SEC24B: variants seen among roughly 807,000 people sequenced by gnomAD.
SEC24B encodes protein transport protein Sec24B.
SEC24B carries 45 observed loss-of-function variants against 142.8 expected under a neutral mutation model. That is an observed-to-expected ratio of 0.32 (90% confidence interval 0.25 to 0.40). The LOEUF is 0.40. Ranked by LOEUF, SEC24B falls within the 10% of genes least tolerant of loss-of-function variation. The pLI is 1.00. For missense variants in SEC24B, 1,409 were observed against 1,526.8 expected (o/e 0.92, Z 1.29); for synonymous variants, 574 against 568.2 (o/e 1.01, Z -0.15).
intron 23 of SEC24B, among the ~76,000 whole-genome samples, chr4:109,538,991 C>T (rs866249743): frequency 2.6e-5 from 4 of 151,340 alleles, no homozygotes; most frequent in Admixed American, 6.6e-5. Flanking sequence ...GACAAAGTTT[C>T]GCTCTTGTCA....
intron 6 of SEC24B, among the ~76,000 whole-genome samples, chr4:109,498,901 A>G (rs34377662): frequency 0.18 from 26,539 of 149,524 alleles, 2,613 homozygotes; most frequent in African/African-American, 0.27. Flanking sequence ...TTTGTTTTTT[A>G]GGGTGGAAAA....
At chr4:109,445,534 G>A (rs1022544901) in intron 1 of SEC24B, among the ~76,000 whole-genome samples, 10 of 151,438 alleles carry the variant, frequency 6.6e-5, no homozygotes, top group African/African-American at 2.4e-4. Flanking sequence ...TTACAGGCGT[G>A]AGCCACGGCA....
At chr4:109,470,047 T>A (rs2125952083) in intron 2 of SEC24B, among the ~76,000 whole-genome samples, 1 of 152,322 alleles carries the variant, frequency 6.6e-6, no homozygotes, top group East Asian at 1.9e-4. Context: ...TAGAATGGGA[T>A]ATCATCTTAT....
chr4:109,506,591 G>T, intron 7 of SEC24B, 79 bp downstream of exon 7: 1 of 1,024,520 alleles, frequency 9.8e-7, no homozygotes, highest in Non-Finnish European at 1.4e-6. Context: ...AAAGTAGTAT[G>T]TTATTTCTTC....
intron 1 of SEC24B, chr4:109,449,476 C>T (rs1373898644): frequency 1.5e-5 from 7 of 453,898 alleles, no homozygotes; most frequent in Non-Finnish European, 3.1e-5. Flanking sequence ...AAGCAATCTG[C>T]CCGCCTCGGC....
intron 1 of SEC24B, among the ~76,000 whole-genome samples, chr4:109,444,509 C>G (rs1325036756): frequency 7.4e-6 from 1 of 134,288 alleles, no homozygotes; most frequent in Non-Finnish European, 1.6e-5. Context: ...AGGGACTAGA[C>G]TTGCATGAAA....
Position 109,433,917 on chromosome 4 carries a change from C to G in SEC24B, c.48C>G (p.Ile16Met). The change falls in exon 1 of 24, where the codon ATC (isoleucine) becomes ATG (methionine). Residue 16 changes from isoleucine to methionine, a missense_variant. Around this residue, in one of 2 missense-constraint regions of SEC24B, gnomAD observed 709 missense variants for 673.5 expected, o/e 1.05. Coordinates refer to ENST00000265175, the MANE Select transcript of SEC24B (RefSeq NM_006323.5). Reference sequence around the variant, plus strand: ...CTCACCCGGCCGCCAGCGCCCGGATCCCGCCCAAGTTCGGCGGAGCGGCCG... The same window carrying G: ...CTCACCCGGCCGCCAGCGCCCGGATGCCGCCCAAGTTCGGCGGAGCGGCCG... ...GSSHPAASAR[I>M]PPKFGGAAVS... is the part of the protein sequence containing the mutation. 2.3e-6 allele frequency: 3 copies of G among 1,328,382 alleles called. No individual in the cohort carries two copies. The highest frequency in any genetic ancestry group is 2.9e-6 in the Non-Finnish European group (3 of 1,037,284). 82.3% of individuals were successfully genotyped at this position (1,328,382 alleles called of 1,614,324 possible). A position where few individuals can be genotyped will look rare whatever the true frequency, so the allele number is the denominator to read the frequency against.
At chr4:109,507,491 C>A (rs910201814) in intron 7 of SEC24B, among the ~76,000 whole-genome samples, 3 of 152,052 alleles carry the variant, frequency 2.0e-5, no homozygotes, top group African/African-American at 7.2e-5. Context: ...GCAGACTGTT[C>A]TCGAACTCCT....
chr4:109,500,370 CCT>C (rs1241934119), intron 6 of SEC24B, among the ~76,000 whole-genome samples: 2 of 151,562 alleles, frequency 1.3e-5, no homozygotes, highest in Non-Finnish European at 2.9e-5. Flanking sequence ...ATGGTGAAAC[CCT>C]GTCTCTACTA....
Position 109,535,291 on chromosome 4 carries a change from C to T in SEC24B, c.3588+1606C>T, listed in dbSNP as rs184512257. ...TTGCTGGGCCGGACGCTGTGGCTCACACCTGTAATCCCAGCACTTTGGGAA... is the reference window on the plus strand; with the variant it reads ...TTGCTGGGCCGGACGCTGTGGCTCATACCTGTAATCCCAGCACTTTGGGAA... On this transcript the variant is annotated intron_variant, in intron 22 of 23. Coordinates refer to ENST00000265175, the MANE Select transcript of SEC24B (RefSeq NM_006323.5). Among the ~76,000 whole-genome samples the T allele has an allele frequency of 2.1e-3, 313 of 152,268 alleles. 3 individuals are homozygous for T. The highest frequency in any genetic ancestry group is 6.9e-3 in the African/African-American group (288 of 41,546).
At chr4:109,494,932 C>T (rs1735387831) in intron 6 of SEC24B, 76 bp downstream of exon 6, 5 of 1,552,056 alleles carry the variant, frequency 3.2e-6, no homozygotes, top group Admixed American at 3.5e-5. Flanking sequence ...GGGATTTGTA[C>T]CTGTGATCCA....
At chr4:109,480,569 C>A (rs1733635618) in intron 3 of SEC24B, among the ~76,000 whole-genome samples, 1 of 152,160 alleles carries the variant, frequency 6.6e-6, no homozygotes, top group African/African-American at 2.4e-5. Context: ...GCAACCTCTG[C>A]CTCCCAGCAG....
Position 109,530,483 on chromosome 4 carries a change from C to T in SEC24B, c.3252+19C>T. On this transcript the variant is annotated intron_variant, in intron 19 of 23. Transcript: ENST00000265175. ...CAAACAGGTAGCTTTTTATACATTGCTATATTTAATATTGTTTTTTAAAAT... is the reference window on the plus strand; with the variant it reads ...CAAACAGGTAGCTTTTTATACATTGTTATATTTAATATTGTTTTTTAAAAT... 6 of 1,581,794 alleles carry T rather than the reference C, an allele frequency of 3.8e-6. No homozygotes were observed. Among genetic ancestry groups the T allele is most frequent in the Non-Finnish European group, 5.2e-6 (6 of 1,159,656 alleles).
chr4:109,438,385 C>T (rs1270707653), intron 1 of SEC24B, among the ~76,000 whole-genome samples: 2 of 152,194 alleles, frequency 1.3e-5, no homozygotes, highest in Non-Finnish European at 2.9e-5. Context: ...GCCATCATAG[C>T]TCACTGCAGC....
intron 6 of SEC24B, among the ~76,000 whole-genome samples, chr4:109,505,524 A>G (rs1251769700): frequency 1.3e-5 from 2 of 152,110 alleles, no homozygotes; most frequent in East Asian, 3.8e-4. Flanking sequence ...TTGTATTGGA[A>G]CTGTCAACGT....
At chr4:109,525,603 CTGTT>C (rs547597760) in intron 16 of SEC24B, 99 bp downstream of exon 16, 63 of 715,640 alleles carry the variant, frequency 8.8e-5, no homozygotes, top group African/African-American at 8.4e-4. Flanking sequence ...TGATGGAAGA[CTGTT>C]TGATCTCATT....
intron 6 of SEC24B, among the ~76,000 whole-genome samples, chr4:109,498,646 G>A (rs1291859572): frequency 6.6e-6 from 1 of 152,194 alleles, no homozygotes; most frequent in Non-Finnish European, 1.5e-5. Flanking sequence ...TCACAGGTGT[G>A]ACCCACCACG....
At chr4:109,521,387 C>T (rs772646854) in intron 13 of SEC24B, 33 bp from the exon 14 acceptor site, 1 of 1,534,732 alleles carries the variant, frequency 6.5e-7, no homozygotes, top group South Asian at 1.1e-5. Context: ...TTTGCCTTCT[C>T]AGTAATTCAA....
intron 21 of SEC24B, among the ~76,000 whole-genome samples, 160 bp from the exon 22 acceptor site, chr4:109,533,433 C>G (rs1285345385): frequency 6.6e-6 from 1 of 152,142 alleles, no homozygotes; most frequent in African/African-American, 2.4e-5. Flanking sequence ...ATGTGAACCA[C>G]TCTGGATTCT....
Sources: allele counts gnomAD v4.1 joint callset (sites outside exome capture counted in the v4.1 genomes callset), GRCh38; gene constraint gnomAD v4.1.1; regional missense constraint gnomAD v4.1.1; transcripts MANE v1.5; gene names NCBI Gene and HGNC (gene_info 2026-07-23, HGNC 2026-07-21).